Variants in PDE8B observed in about 807,000 individuals in gnomAD.
PDE8B encodes the protein high affinity cAMP-specific and IBMX-insensitive 3',5'-cyclic phosphodiesterase 8B.
Under a neutral mutation model 101.3 loss-of-function variants are expected in PDE8B, and 26 were observed. The observed-to-expected ratio is 0.26, with a 90% CI of 0.19 to 0.36. The LOEUF (loss-of-function observed/expected upper bound fraction) is 0.36. Ranked by LOEUF, PDE8B falls within the 10% of genes least tolerant of loss-of-function variation. PDE8B has a pLI of 1.00. For synonymous variants in PDE8B, 424 were observed against 429.3 expected, an observed-to-expected ratio of 0.99 and a Z score of 0.15; for missense variants, 810 against 1,163.1, an observed-to-expected ratio of 0.70 and a Z score of 4.42.
chr5:77,251,457 G>T (rs1268064149), intron 1 of PDE8B, among the ~76,000 whole-genome samples: 4 of 152,184 alleles, frequency 2.6e-5, no homozygotes, highest in African/African-American at 9.7e-5. Context: ...TTCTGCTTGA[G>T]TTAAAGCAGA....
chr5:77,374,071 A>T (rs1785599035), intron 10 of PDE8B, among the ~76,000 whole-genome samples: 1 of 152,102 alleles, frequency 6.6e-6, no homozygotes. Context: ...TCTGGTCTCG[A>T]ACTCCCGACC....
chr5:77,371,713 T>G (rs2150685036), intron 10 of PDE8B, among the ~76,000 whole-genome samples: 1 of 152,336 alleles, frequency 6.6e-6, no homozygotes, highest in African/African-American at 2.4e-5. Flanking sequence ...TTCCAGTCCA[T>G]GATATGGGGT....
chr5:77,172,596 T>G, the PDE8B span, among the ~76,000 whole-genome samples: 2 of 152,228 alleles, frequency 1.3e-5, no homozygotes, highest in African/African-American at 4.8e-5. Flanking sequence ...CCAACCTCAA[T>G]TAATTCATCC....
At chr5:77,212,181 T>C (rs1748596299) in intron 1 of PDE8B, among the ~76,000 whole-genome samples, 1 of 152,192 alleles carries the variant, frequency 6.6e-6, no homozygotes, top group Non-Finnish European at 1.5e-5. Flanking sequence ...CTGGGTCTTT[T>C]TTCCTTTCAG....
chr5:77,232,782 T>A (rs1753837171), intron 1 of PDE8B, among the ~76,000 whole-genome samples: 1 of 152,180 alleles, frequency 6.6e-6, no homozygotes, highest in Non-Finnish European at 1.5e-5. Flanking sequence ...AGGTTGAACT[T>A]TTTTTGTGAA....
At chr5:77,223,601 A>G (rs1751681161) in intron 1 of PDE8B, among the ~76,000 whole-genome samples, 2 of 152,060 alleles carry the variant, frequency 1.3e-5, no homozygotes, top group African/African-American at 4.8e-5. Flanking sequence ...CTTGACAAGC[A>G]TAGCACAGTA....
At chr5:77,119,265 T>C in the PDE8B span, 1 of 152,184 alleles carries the variant, frequency 6.6e-6, no homozygotes, top group Non-Finnish European at 1.5e-5. Context: ...TCTGGCACTT[T>C]CTTAAAAAAC....
intron 10 of PDE8B, among the ~76,000 whole-genome samples, chr5:77,394,135 G>A (rs2150948500): frequency 6.6e-6 from 1 of 152,342 alleles, no homozygotes; most frequent in African/African-American, 2.4e-5. Flanking sequence ...CTCAGGTAGA[G>A]GGAAGAAGTA....
chr5:77,363,589 G>C (rs903593914), intron 10 of PDE8B, among the ~76,000 whole-genome samples: 1 of 151,988 alleles, frequency 6.6e-6, no homozygotes, highest in Non-Finnish European at 1.5e-5. Flanking sequence ...GCGGGTGCCT[G>C]TAATCCCAGC....
intron 17 of PDE8B, among the ~76,000 whole-genome samples, chr5:77,416,889 T>A (rs1795678827): frequency 6.6e-6 from 1 of 152,134 alleles, no homozygotes; most frequent in South Asian, 2.1e-4. Context: ...CCACTTTCCC[T>A]CTCACTATCC....
At chr5:77,115,803 G>C in the PDE8B span, among the ~76,000 whole-genome samples, 1 of 152,156 alleles carries the variant, frequency 6.6e-6, no homozygotes, top group African/African-American at 2.4e-5. Flanking sequence ...CCCTCTTGAC[G>C]CTGGAGGTAC....
chr5:77,328,536 A>C (rs1327112213), intron 3 of PDE8B, among the ~76,000 whole-genome samples: 1 of 152,226 alleles, frequency 6.6e-6, no homozygotes, highest in Admixed American at 6.5e-5. Flanking sequence ...GCATTTGTAC[A>C]TCCAGCTGCC....
intron 4 of PDE8B, among the ~76,000 whole-genome samples, chr5:77,331,075 G>A (rs140940251): frequency 5.5e-4 from 84 of 152,298 alleles, no homozygotes; most frequent in African/African-American, 1.6e-3. Context: ...AACAGTGCAC[G>A]TAACATGTCC....
At chr5:77,265,705 C>G (rs1294892094) in intron 1 of PDE8B, among the ~76,000 whole-genome samples, 1 of 152,046 alleles carries the variant, frequency 6.6e-6, no homozygotes, top group Admixed American at 6.5e-5. Context: ...TGGGGTTATC[C>G]TATGTTTGTC....
the PDE8B span, among the ~76,000 whole-genome samples, chr5:77,173,700 G>T: frequency 6.6e-6 from 1 of 151,914 alleles, no homozygotes; most frequent in Non-Finnish European, 1.5e-5. Flanking sequence ...GTTACATTTG[G>T]GAAATTGAAG....
chr5:77,425,296 C>G (rs559400149), intron 20 of PDE8B, among the ~76,000 whole-genome samples: 2 of 152,286 alleles, frequency 1.3e-5, no homozygotes, highest in South Asian at 2.1e-4. Flanking sequence ...CACAGTGGCT[C>G]GTGCCTATAA....
chr5:77,309,856 G>A (rs776193457), intron 1 of PDE8B, among the ~76,000 whole-genome samples: 10 of 149,780 alleles, frequency 6.7e-5, no homozygotes, highest in Non-Finnish European at 1.2e-4. Context: ...CTGGCCTCAA[G>A]TGATCCACCT....
At chr5:77,267,602 G>A (rs1374250502) in intron 1 of PDE8B, among the ~76,000 whole-genome samples, 2 of 152,180 alleles carry the variant, frequency 1.3e-5, no homozygotes, top group Non-Finnish European at 2.9e-5. Context: ...CTCTTCCAGA[G>A]CTGAAGCTCC....
At chr5:77,375,635 C>A (rs1160613197) in intron 10 of PDE8B, among the ~76,000 whole-genome samples, 1 of 152,138 alleles carries the variant, frequency 6.6e-6, no homozygotes, top group Admixed American at 6.5e-5. Context: ...TGTCCTCCTG[C>A]AGCTAGCCTG....
Sources: gnomAD v4.1 joint callset for allele counts (sites outside exome capture counted in the v4.1 genomes callset) on GRCh38, gnomAD v4.1.1 for gene constraint, MANE v1.5 for transcripts, NCBI Gene and HGNC (gene_info 2026-07-23, HGNC 2026-07-21) for gene names.